Variants in LRRC71 observed in about 807,000 individuals in gnomAD.
The protein encoded by LRRC71 is leucine rich repeat containing 71.
In LRRC71, 54 loss-of-function variants were observed where a neutral mutation model predicts 66.6. That is an observed-to-expected ratio of 0.81 (90% CI 0.65 to 1.02). The LOEUF (loss-of-function observed/expected upper bound fraction) is 1.02, where lower values mean the gene tolerates loss of function less well. Ranked by LOEUF, LRRC71 falls within the 50% of genes least tolerant of loss-of-function variation. The pLI, the probability that LRRC71 is intolerant of heterozygous loss-of-function variation, is 0.00. For synonymous variants in LRRC71, 323 were observed against 303.9 expected (o/e 1.06, Z -0.65); for missense variants, 724 against 718.0 (o/e 1.01, Z -0.10).
the LRRC71 span, chr1:156,938,634 A>G: frequency 1.3e-6 from 1 of 791,470 alleles, no homozygotes; most frequent in Non-Finnish European, 2.1e-6. Flanking sequence ...AAATGGGAAG[A>G]ACAAGGTGAA....
At chr1:156,935,934 TG>T (rs1292246844), downstream of LRRC71, 7 of 1,535,796 alleles carry the variant, frequency 4.6e-6, no homozygotes, top group African/African-American at 8.2e-5. Flanking sequence ...CCCTACCCTG[TG>T]CCCCGGTCTC....
the LRRC71 span, chr1:156,939,704 G>A: frequency 4.0e-5 from 65 of 1,614,050 alleles, 1 homozygote; most frequent in Admixed American, 1.3e-4. Context: ...TGCTCTGGCC[G>A]TTCCCCCTCC....
At chr1:156,936,050 C>T (rs752313950), downstream of LRRC71, 19 of 1,613,742 alleles carry the variant, frequency 1.2e-5, no homozygotes, top group Middle Eastern at 3.3e-4. Context: ...TCCAGGGGGG[C>T]GTCAGAGCCT....
intron 12 of LRRC71, among the ~76,000 whole-genome samples, chr1:156,931,618 A>G (rs1013824536): frequency 2.0e-5 from 3 of 152,040 alleles, no homozygotes; most frequent in Non-Finnish European, 2.9e-5. Context: ...TCATCTGACA[A>G]TATCATGTGC....
the LRRC71 span, chr1:156,940,249 G>A: frequency 9.9e-6 from 16 of 1,608,520 alleles, no homozygotes; most frequent in African/African-American, 1.3e-5. Flanking sequence ...ATGAACAGAG[G>A]GCCTGGGAAG....
intron 5 of LRRC71, among the ~76,000 whole-genome samples, chr1:156,925,713 C>T (rs1220205451): frequency 6.6e-6 from 1 of 152,204 alleles, no homozygotes; most frequent in Non-Finnish European, 1.5e-5. Context: ...TAGGCTCCCA[C>T]AGCACCCTGC....
At position 156,924,570 on chromosome 1, in the gene LRRC71, CACCCG is replaced by C; in HGVS notation, c.439+19_439+23del. 1 of 1,550,518 alleles carries C rather than the reference CACCCG, an allele frequency of 6.4e-7. No individual in the cohort carries two copies. Among genetic ancestry groups the C allele is most frequent in the Non-Finnish European group, 8.7e-7 (1 of 1,146,006 alleles). ...CATCCGCGGTGAGCCCCGCTCCCCC[CACCCG>C]CCCCAGCTCCCTCCCGCTCCCCTGG... On this transcript the variant is annotated intron_variant, in intron 3 of 14. Transcript: ENST00000337428.
chr1:156,933,793 C>T (rs1448170518), downstream of LRRC71, among the ~76,000 whole-genome samples: 2 of 152,192 alleles, frequency 1.3e-5, no homozygotes, highest in South Asian at 2.1e-4. Context: ...TCCAAGATGG[C>T]GCAGATCAGC....
At chr1:156,935,806 A>G (rs925097127), downstream of LRRC71, 6 of 613,118 alleles carry the variant, frequency 9.8e-6, no homozygotes, top group Non-Finnish European at 1.1e-5. Context: ...GAGGGAAAAG[A>G]CACTGAAACC....
intron 1 of LRRC71, among the ~76,000 whole-genome samples, chr1:156,922,811 G>A (rs1652590242): frequency 6.6e-6 from 1 of 152,148 alleles, no homozygotes; most frequent in African/African-American, 2.4e-5. Flanking sequence ...GTTTTAGCAG[G>A]CTCTCCAGGT....
At chr1:156,925,535 C>G in intron 5 of LRRC71, among the ~76,000 whole-genome samples, 1 of 152,172 alleles carries the variant, frequency 6.6e-6, no homozygotes, top group Non-Finnish European at 1.5e-5. Context: ...TGGAAGACTG[C>G]CTGGAGGAGG....
the LRRC71 span, chr1:156,939,686 T>C: frequency 1.2e-6 from 2 of 1,613,982 alleles, no homozygotes; most frequent in African/African-American, 1.3e-5. Flanking sequence ...CAGAGACCCA[T>C]GTCTTCCTGC....
At chr1:156,940,355 A>T in the LRRC71 span, 2 of 1,613,648 alleles carry the variant, frequency 1.2e-6, no homozygotes, top group South Asian at 2.2e-5. Flanking sequence ...CTTCCTCTGC[A>T]CTGCCCTCCT....
At chr1:156,939,423 C>A in the LRRC71 span, 1 of 1,363,490 alleles carries the variant, frequency 7.3e-7, no homozygotes, top group Non-Finnish European at 1.0e-6. Context: ...TCTTCCAGGA[C>A]CCAGCGTAGG....
intron 1 of LRRC71, among the ~76,000 whole-genome samples, chr1:156,923,595 A>G (rs1035388249): frequency 6.6e-6 from 1 of 152,134 alleles, no homozygotes; most frequent in African/African-American, 2.4e-5. Flanking sequence ...CCAGCAGGGA[A>G]GGAGGACTTG....
downstream of LRRC71, chr1:156,935,691 G>A (rs979009728): frequency 8.7e-6 from 3 of 346,778 alleles, no homozygotes; most frequent in South Asian, 6.7e-5. Flanking sequence ...AGGCGTGCGC[G>A]TGTACACACA....
chr1:156,924,125 C>T (rs2101600026), intron 2 of LRRC71, 27 bp downstream of exon 2: 4 of 1,543,328 alleles, frequency 2.6e-6, no homozygotes, highest in African/African-American at 1.4e-5. Context: ...CTCCCCGGTG[C>T]CTGCCAGGGC....
chr1:156,921,528 C>T (rs1427957060), intron 1 of LRRC71: 1 of 604,800 alleles, frequency 1.7e-6, no homozygotes, highest in African/African-American at 2.0e-5. Context: ...CTTGCTGTCT[C>T]TGGAATCGAA....
intron 1 of LRRC71, among the ~76,000 whole-genome samples, chr1:156,922,558 G>T (rs1652551534): frequency 6.6e-6 from 1 of 152,204 alleles, no homozygotes; most frequent in Non-Finnish European, 1.5e-5. Flanking sequence ...CATAAGAAAG[G>T]GGTGTGGAAG....
Sources: allele counts gnomAD v4.1 joint callset (sites outside exome capture counted in the v4.1 genomes callset), GRCh38; gene constraint gnomAD v4.1.1; transcripts MANE v1.5; gene names NCBI Gene and HGNC (gene_info 2026-07-23, HGNC 2026-07-21).